The following TMEM163 variants were observed in gnomAD, a reference collection of about 807,000 sequenced individuals.
The protein encoded by TMEM163 is transmembrane protein 163.
Under a neutral mutation model 29.3 loss-of-function variants are expected in TMEM163, and 17 were observed. The ratio of observed to expected loss-of-function variants is 0.58; its 90% CI spans 0.40 to 0.87. The LOEUF (loss-of-function observed/expected upper bound fraction) is 0.87. TMEM163 is among the 40% of genes least tolerant of loss of function. The probability of loss-of-function intolerance (pLI) is 0.00; values close to 1 mark genes in which losing one functional copy is unlikely to be tolerated. For synonymous variants in TMEM163, 157 were observed against 160.6 expected, an observed-to-expected ratio of 0.98 and a Z score of 0.17; for missense variants, 303 against 381.5, an observed-to-expected ratio of 0.79 and a Z score of 1.71.
chr2:134,528,678 T>A (rs1680346538), intron 4 of TMEM163, among the ~76,000 whole-genome samples: 2 of 152,200 alleles, frequency 1.3e-5, no homozygotes, highest in South Asian at 4.1e-4. Context: ...TGTCCATTTT[T>A]AAAAATGAAA....
Position 134,466,199 on chromosome 2 carries a change from A to C in TMEM163, c.582T>G (p.Ile194Met). ...GGATGCTGCAAAGAATCCCACTTAA[A>C]ATGGAGACACTGAACAGGAAATCGT... ...EVDDFLFSVSILSGILCSILA... is the reference protein window; with the variant it reads ...EVDDFLFSVSMLSGILCSILA... Residue 194 changes from isoleucine (I) to methionine (M), a missense_variant, in exon 6 of 8, where the codon ATT (isoleucine) becomes ATG (methionine). Ile to Met is a conservative substitution (Grantham distance 10). Coordinates refer to ENST00000281924, the MANE Select transcript of TMEM163 (RefSeq NM_030923.5). The C allele has an allele frequency of 6.2e-7, 1 of 1,613,886 alleles. No individual in the cohort carries two copies. Among genetic ancestry groups the C allele is most frequent in the Non-Finnish European group, 8.5e-7 (1 of 1,179,966 alleles).
chr2:134,620,212 T>A (rs1316069225), intron 2 of TMEM163, among the ~76,000 whole-genome samples: 2 of 152,002 alleles, frequency 1.3e-5, no homozygotes, highest in Non-Finnish European at 2.9e-5. Flanking sequence ...CAAAAACAAT[T>A]GTTAGAAAGA....
chr2:134,699,262 G>T (rs1462608374), intron 2 of TMEM163, among the ~76,000 whole-genome samples: 4 of 152,164 alleles, frequency 2.6e-5, no homozygotes, highest in African/African-American at 9.7e-5. Flanking sequence ...CCAGTACTTT[G>T]GGAGGCCAAG....
Position 134,552,227 on chromosome 2 carries a change from A to G in TMEM163, c.323-136T>C, listed in dbSNP as rs1192258611. The G allele has an allele frequency of 6.5e-6, 4 of 612,896 alleles. No individual in the cohort carries two copies. The African/African-American group carries it at 7.6e-5, about 12-fold the overall frequency. The allele number at this position is 612,896 out of a possible 1,614,324, so 38.0% of individuals were successfully genotyped here. A position where few individuals can be genotyped will look rare whatever the true frequency, so the allele number is the denominator to read the frequency against. On this transcript the variant is annotated intron_variant, in intron 2 of 7. Transcript: ENST00000281924. The stretch of plus-strand genomic sequence containing the variant: ...AAAACCAAAAATTAACTGTACTTGT[A>G]AAATCTAAGAATTTTTAAAAATGAA...
At chr2:134,564,631 G>C (rs944995516) in intron 2 of TMEM163, among the ~76,000 whole-genome samples, 1 of 152,106 alleles carries the variant, frequency 6.6e-6, no homozygotes, top group Admixed American at 6.6e-5. Context: ...CTTATATCCA[G>C]AACATATAGA....
chr2:134,579,569 CT>C (rs903615407), intron 2 of TMEM163, among the ~76,000 whole-genome samples: 3 of 151,986 alleles, frequency 2.0e-5, no homozygotes, highest in Non-Finnish European at 2.9e-5. Flanking sequence ...CAAATCCATC[CT>C]TTTTTTTCTT....
chr2:134,661,620 G>A (rs564998661), intron 2 of TMEM163, among the ~76,000 whole-genome samples: 109 of 152,294 alleles, frequency 7.2e-4, no homozygotes, highest in African/African-American at 2.3e-3. Flanking sequence ...CTAAGTTCAA[G>A]GGGCTTATGA....
At chr2:134,583,901 C>G (rs1681753195) in intron 2 of TMEM163, among the ~76,000 whole-genome samples, 3 of 152,196 alleles carry the variant, frequency 2.0e-5, no homozygotes, top group Admixed American at 2.0e-4. Flanking sequence ...CTATTCCTGT[C>G]CTCCTCCATC....
intron 2 of TMEM163, among the ~76,000 whole-genome samples, chr2:134,642,995 G>A (rs138712818): frequency 1.4e-4 from 21 of 151,682 alleles, no homozygotes; most frequent in African/African-American, 5.1e-4. Flanking sequence ...CAGAAGCAGA[G>A]AAATAATAAA....
chr2:134,709,688 G>A (rs1025617924), intron 2 of TMEM163, among the ~76,000 whole-genome samples: 3 of 152,162 alleles, frequency 2.0e-5, no homozygotes, highest in African/African-American at 7.2e-5. Context: ...TCAGCCAAGG[G>A]CACTCCAAAG....
intron 4 of TMEM163, among the ~76,000 whole-genome samples, chr2:134,538,189 AC>A (rs1680581843): frequency 6.6e-6 from 1 of 152,224 alleles, no homozygotes; most frequent in South Asian, 2.1e-4. Context: ...TGACTAGGTC[AC>A]GGGGCCAGAG....
intron 4 of TMEM163, among the ~76,000 whole-genome samples, chr2:134,546,370 T>C (rs56355824): frequency 0.16 from 24,363 of 152,198 alleles, 4,701 homozygotes; most frequent in African/African-American, 0.46. Context: ...AGGCAGGGCA[T>C]GGTGCCTCAC....
At chr2:134,550,216 C>G (rs1307089821) in intron 4 of TMEM163, among the ~76,000 whole-genome samples, 2 of 152,148 alleles carry the variant, frequency 1.3e-5, no homozygotes, top group African/African-American at 4.8e-5. Context: ...CTGTAAATGA[C>G]AGTGGAGAAT....
chr2:134,718,603 C>T (rs1685091280), intron 1 of TMEM163, 131 bp downstream of exon 1: 1 of 620,552 alleles, frequency 1.6e-6, no homozygotes, highest in Non-Finnish European at 2.1e-6. Flanking sequence ...GCGTTCTCGC[C>T]GGGAAGTCGG....
chr2:134,639,835 T>C (rs1332134227), intron 2 of TMEM163, among the ~76,000 whole-genome samples: 7 of 152,210 alleles, frequency 4.6e-5, no homozygotes, highest in African/African-American at 1.7e-4. Flanking sequence ...GAAAGGAAGA[T>C]TCTAATGTTT....
intron 2 of TMEM163, among the ~76,000 whole-genome samples, chr2:134,675,766 G>A (rs1018806537): frequency 2.6e-5 from 4 of 152,146 alleles, no homozygotes; most frequent in African/African-American, 7.2e-5. Flanking sequence ...GAACAAATCC[G>A]GTCCCAGGAT....
intron 2 of TMEM163, among the ~76,000 whole-genome samples, chr2:134,562,388 T>C (rs1681201981): frequency 6.6e-6 from 1 of 152,224 alleles, no homozygotes; most frequent in African/African-American, 2.4e-5. Context: ...AATTATAATT[T>C]CTGGCTTTTA....
intron 2 of TMEM163, among the ~76,000 whole-genome samples, chr2:134,616,957 G>A (rs1682620535): frequency 2.0e-5 from 3 of 152,134 alleles, no homozygotes; most frequent in Admixed American, 2.0e-4. Flanking sequence ...GAAGCTTAAG[G>A]AAAATGACTC....
At chr2:134,587,237 C>T (rs1681842271) in intron 2 of TMEM163, among the ~76,000 whole-genome samples, 2 of 152,174 alleles carry the variant, frequency 1.3e-5, no homozygotes, top group Non-Finnish European at 2.9e-5. Flanking sequence ...ATGGTGAGGC[C>T]CCGCTTCTAC....
Sources: allele counts gnomAD v4.1 joint callset (sites outside exome capture counted in the v4.1 genomes callset), GRCh38; gene constraint gnomAD v4.1.1; transcripts MANE v1.5; gene names NCBI Gene and HGNC (gene_info 2026-07-23, HGNC 2026-07-21).